Variants in PHLDB2 observed in about 807,000 individuals in gnomAD.
The protein encoded by PHLDB2 is pleckstrin homology like domain family B member 2.
PHLDB2 carries 71 observed loss-of-function variants against 123.6 expected under a neutral mutation model. The observed-to-expected ratio is 0.57, with a 90% confidence interval of 0.47 to 0.70. The LOEUF is 0.70. Ranked by LOEUF, PHLDB2 falls within the 30% of genes least tolerant of loss-of-function variation. The pLI, the probability that PHLDB2 is intolerant of heterozygous loss-of-function variation, is 0.00. For missense variants in PHLDB2, 1,446 were observed against 1,519.5 expected (o/e 0.95, Z 0.80); for synonymous variants, 547 against 541.6 (o/e 1.01, Z -0.14).
At chr3:111,926,340 C>G (rs538834620) in intron 5 of PHLDB2, among the ~76,000 whole-genome samples, 10 of 152,302 alleles carry the variant, frequency 6.6e-5, no homozygotes, top group Non-Finnish European at 1.3e-4. Flanking sequence ...GACAGTGAGC[C>G]TAGCCCAGAA....
chr3:111,964,672 A>G (rs1349807427), intron 13 of PHLDB2, among the ~76,000 whole-genome samples: 1 of 152,170 alleles, frequency 6.6e-6, no homozygotes, highest in Non-Finnish European at 1.5e-5. Context: ...CAATGTATGC[A>G]TACATCAAAA....
intron 3 of PHLDB2, chr3:111,916,572 A>G (rs2068190317): frequency 6.6e-6 from 1 of 152,206 alleles, no homozygotes; most frequent in South Asian, 2.1e-4. Flanking sequence ...TCTTAATGAT[A>G]TTTAGAAAAC....
intron 1 of PHLDB2, among the ~76,000 whole-genome samples, chr3:111,745,056 A>G (rs1049488572): frequency 1.3e-5 from 2 of 152,242 alleles, no homozygotes. Context: ...CAGAGAAGAA[A>G]GAAGGGGCTA....
chr3:111,924,453 G>A (rs1030054001), intron 5 of PHLDB2, among the ~76,000 whole-genome samples: 2 of 152,222 alleles, frequency 1.3e-5, no homozygotes, highest in African/African-American at 2.4e-5. Context: ...GTCCAGGCTG[G>A]GCCTTAGCAA....
intron 2 of PHLDB2, chr3:111,845,990 T>G: frequency 6.5e-7 from 1 of 1,546,576 alleles, no homozygotes. Context: ...TCTTACTCCA[T>G]CATACATATT....
chr3:111,784,251 C>T (rs775342256), intron 1 of PHLDB2, among the ~76,000 whole-genome samples: 3 of 152,046 alleles, frequency 2.0e-5, no homozygotes, highest in Non-Finnish European at 2.9e-5. Flanking sequence ...GGTTGACTTA[C>T]AAAAATCAGG....
intron 1 of PHLDB2, among the ~76,000 whole-genome samples, chr3:111,863,076 A>G (rs1247472330): frequency 1.3e-5 from 2 of 152,200 alleles, no homozygotes; most frequent in Non-Finnish European, 2.9e-5. Context: ...GAAAATAAAT[A>G]AATGCTTCGA....
intron 1 of PHLDB2, among the ~76,000 whole-genome samples, chr3:111,828,402 CCTAT>C (rs930315845): frequency 2.6e-5 from 4 of 152,232 alleles, no homozygotes; most frequent in Admixed American, 6.5e-5. Context: ...TTTGATTTCC[CCTAT>C]CTAATTTCCC....
intron 2 of PHLDB2, among the ~76,000 whole-genome samples, chr3:111,853,038 C>A (rs2064327710): frequency 6.6e-6 from 1 of 152,084 alleles, no homozygotes; most frequent in Non-Finnish European, 1.5e-5. Context: ...AAGTTATTTT[C>A]ACTTTAGTTT....
intron 1 of PHLDB2, among the ~76,000 whole-genome samples, chr3:111,771,496 C>T (rs571034081): frequency 4.6e-5 from 7 of 152,170 alleles, no homozygotes; most frequent in East Asian, 3.9e-4. Flanking sequence ...TGTGCCACCA[C>T]GCCCAGCTAA....
chr3:111,740,939 G>A (rs1261310749), intron 1 of PHLDB2, among the ~76,000 whole-genome samples: 5 of 151,626 alleles, frequency 3.3e-5, no homozygotes, highest in African/African-American at 7.3e-5. Context: ...AGGAGAGGGG[G>A]GAGAAAAGCT....
chr3:111,859,053 T>A (rs77975132), upstream of PHLDB2: 6,604 of 365,646 alleles, frequency 0.018, 83 homozygotes, highest in Non-Finnish European at 0.023. Flanking sequence ...CTGACCCCAG[T>A]CCTTAGCTCA....
intron 1 of PHLDB2, among the ~76,000 whole-genome samples, chr3:111,741,999 A>T (rs2059612266): frequency 6.6e-6 from 1 of 152,190 alleles, no homozygotes; most frequent in East Asian, 1.9e-4. Context: ...TAAACTCATC[A>T]CTGGATACAG....
intron 1 of PHLDB2, among the ~76,000 whole-genome samples, chr3:111,832,428 G>A (rs866606501): frequency 1.3e-5 from 2 of 151,002 alleles, no homozygotes; most frequent in African/African-American, 4.9e-5. Context: ...ATTAATCAAA[G>A]TAAATCTTGT....
intron 1 of PHLDB2, among the ~76,000 whole-genome samples, chr3:111,811,065 A>G (rs1278148086): frequency 6.6e-6 from 1 of 152,218 alleles, no homozygotes; most frequent in Non-Finnish European, 1.5e-5. Context: ...CTGTAAGCAG[A>G]GCCAAAAAGG....
chr3:111,935,641 C>T (rs376496593), intron 6 of PHLDB2, among the ~76,000 whole-genome samples: 69 of 152,276 alleles, frequency 4.5e-4, no homozygotes, highest in African/African-American at 1.5e-3. Context: ...AGTCTCAAAA[C>T]TGAAGTACTT....
intron 1 of PHLDB2, among the ~76,000 whole-genome samples, chr3:111,820,783 C>T (rs750215285): frequency 1.2e-4 from 19 of 152,276 alleles, no homozygotes; most frequent in Non-Finnish European, 2.5e-4. Flanking sequence ...GGGGCATGGC[C>T]GGAATGAGGC....
At chr3:111,911,256 C>T (rs77951503) in intron 2 of PHLDB2, among the ~76,000 whole-genome samples, 1 of 152,276 alleles carries the variant, frequency 6.6e-6, no homozygotes, top group East Asian at 1.9e-4. Flanking sequence ...AATATTTATG[C>T]CAAGGCTAAT....
intron 1 of PHLDB2, among the ~76,000 whole-genome samples, chr3:111,761,236 G>C (rs189790236): frequency 1.8e-4 from 27 of 150,498 alleles, no homozygotes; most frequent in Non-Finnish European, 3.7e-4. Context: ...ACTAATCCCA[G>C]CTTTGTGATC....
Sources: allele counts gnomAD v4.1 joint callset (sites outside exome capture counted in the v4.1 genomes callset), GRCh38; gene constraint gnomAD v4.1.1; transcripts MANE v1.5; gene names NCBI Gene and HGNC (gene_info 2026-07-23, HGNC 2026-07-21).